EYA2: variants seen among roughly 807,000 people sequenced by gnomAD.
EYA2 encodes protein phosphatase EYA2.
Under a neutral mutation model 69.2 loss-of-function variants are expected in EYA2, and 31 were observed. The observed-to-expected ratio is 0.45, with a 90% CI of 0.34 to 0.60. The LOEUF (loss-of-function observed/expected upper bound fraction) is 0.60. EYA2 is among the 20% of genes least tolerant of loss of function. EYA2 has a pLI of 0.02. For synonymous variants in EYA2, 257 were observed against 279.4 expected, an observed-to-expected ratio of 0.92 and a Z score of 0.80; for missense variants, 622 against 701.2, an observed-to-expected ratio of 0.89 and a Z score of 1.28.
chr20:46,962,465 CAATT>C (rs1475666722), intron 1 of EYA2, among the ~76,000 whole-genome samples: 1 of 152,014 alleles, frequency 6.6e-6, no homozygotes, highest in African/African-American at 2.4e-5. Flanking sequence ...TATTATGTGT[CAATT>C]AAAAGTTTTT....
chr20:47,001,518 T>G (rs6094549), intron 3 of EYA2, 45 bp downstream of exon 3: 641,559 of 1,599,586 alleles, frequency 0.4, 137,666 homozygotes, highest in Non-Finnish European at 0.45. Context: ...CCACCTTTTC[T>G]TCTTTCTTGG....
At chr20:47,089,161 G>T (rs75831221) in intron 7 of EYA2, 78 bp from the exon 8 acceptor site, 5 of 1,541,152 alleles carry the variant, frequency 3.2e-6, no homozygotes, top group Non-Finnish European at 1.8e-6. Context: ...GGAGCTAGAC[G>T]GTGCTGTTGG....
At chr20:47,048,355 A>G (rs2030154817) in intron 5 of EYA2, among the ~76,000 whole-genome samples, 1 of 152,176 alleles carries the variant, frequency 6.6e-6, no homozygotes, top group African/African-American at 2.4e-5. Flanking sequence ...ACTGGGCCTG[A>G]TTTGCCAGAA....
intron 9 of EYA2, among the ~76,000 whole-genome samples, chr20:47,124,097 A>G (rs1001901609): frequency 3.3e-5 from 5 of 152,136 alleles, no homozygotes; most frequent in Middle Eastern, 3.4e-3. Context: ...AGAGTCCTTT[A>G]TTTGGGCAGA....
In EYA2 at chr20:47,004,924, T is replaced by A. The variant is rs777884805; in HGVS notation, c.156-18T>A. 4 of 1,614,046 alleles carry A rather than the reference T, an allele frequency of 2.5e-6. No homozygotes were observed. On this transcript the variant is annotated intron_variant, in intron 3 of 15. Transcript: ENST00000327619. ...CCAGACTGGGCCTGGAGATTTAATC[T>A]TCCCTCTTTCCACACAGATCTTGCC... is the stretch of plus-strand genomic sequence containing the variant.
At chr20:47,098,101 G>T (rs2032305754) in intron 9 of EYA2, among the ~76,000 whole-genome samples, 1 of 152,214 alleles carries the variant, frequency 6.6e-6, no homozygotes. Flanking sequence ...TGTGTAATTA[G>T]CAAGATAGAT....
rs184335439 is a variant in EYA2, at chr20:46,897,805, G to A, written c.-11+2818G>A. ...GTATCCACGCACATGATCGCAGAGC[G>A]GAGGAGTGGAAGTTGCGACTGGGGT... On this transcript the variant is annotated intron_variant, in intron 1 of 15. Transcript: ENST00000327619. 8.8e-4 allele frequency among the ~76,000 whole-genome samples: 134 copies of A among 152,296 alleles called. 1 individual carries two copies. Among genetic ancestry groups the A allele is most frequent in the Admixed American group, 6.3e-3 (97 of 15,300 alleles).
chr20:47,092,034 C>G (rs2032102033), intron 8 of EYA2, among the ~76,000 whole-genome samples: 1 of 152,168 alleles, frequency 6.6e-6, no homozygotes, highest in Non-Finnish European at 1.5e-5. Context: ...TTCAGAAGCC[C>G]TGAAGTTGGA....
chr20:47,095,305 G>T (rs762438511), intron 8 of EYA2, among the ~76,000 whole-genome samples: 2 of 151,842 alleles, frequency 1.3e-5, no homozygotes, highest in Non-Finnish European at 2.9e-5. Flanking sequence ...CAAAAAGACA[G>T]ATTTATTAAA....
intron 5 of EYA2, among the ~76,000 whole-genome samples, chr20:47,044,632 G>C (rs968039578): frequency 6.6e-6 from 1 of 152,134 alleles, no homozygotes; most frequent in Non-Finnish European, 1.5e-5. Flanking sequence ...TTTGTAGAAC[G>C]CTGTTCATTT....
At chr20:47,156,946 A>C (rs1467626858) in intron 10 of EYA2, among the ~76,000 whole-genome samples, 1 of 151,974 alleles carries the variant, frequency 6.6e-6, no homozygotes, top group Non-Finnish European at 1.5e-5. Context: ...AAAGTAATGG[A>C]ATCAAACCAC....
chr20:47,170,646 C>CAA lies in EYA2; in HGVS notation c.1037+1464_1037+1465dup, dbSNP rs56782816. ...TGGGGTACAGAGCGAGACTCCGTCTCAAAAAAAAAAAAAAAAGAGAGACAG... is the reference window on the plus strand; with the variant it reads ...TGGGGTACAGAGCGAGACTCCGTCTCAAAAAAAAAAAAAAAAAAGAGAGACAG... On this transcript the variant is annotated intron_variant, in intron 11 of 15. Transcript: ENST00000327619. Among the ~76,000 whole-genome samples the CAA allele has an allele frequency of 2.5e-4, 21 of 84,530 alleles. No individual in the cohort carries two copies. In the East Asian group the frequency reaches 3.2e-3, roughly 13 times the overall value. 55.5% of individuals were successfully genotyped at this position (84,530 alleles called of 152,430 possible).
chr20:47,001,779 T>C (rs111654790), intron 3 of EYA2, among the ~76,000 whole-genome samples: 1,565 of 111,718 alleles, frequency 0.014, 26 homozygotes, highest in African/African-American at 0.044. Context: ...TTCTTTCTTC[T>C]CTTCATTCTT....
chr20:47,059,298 G>C (rs1197554522), intron 5 of EYA2, among the ~76,000 whole-genome samples: 1 of 152,132 alleles, frequency 6.6e-6, no homozygotes, highest in East Asian at 1.9e-4. Context: ...CTACAGGCTC[G>C]AGGGGCCAGA....
chr20:47,071,463 A>G (rs987123531), intron 5 of EYA2, among the ~76,000 whole-genome samples: 2 of 151,936 alleles, frequency 1.3e-5, no homozygotes, highest in African/African-American at 4.8e-5. Context: ...ACTTTGGAAA[A>G]CAGTTTGGCC....
intron 9 of EYA2, chr20:47,117,583 A>C: frequency 1.0e-6 from 1 of 985,436 alleles, no homozygotes; most frequent in Non-Finnish European, 1.2e-6. Context: ...GGATTCAATC[A>C]GATCCAGTTG....
intron 1 of EYA2, among the ~76,000 whole-genome samples, chr20:46,945,182 G>C (rs3092807): frequency 1.3e-5 from 2 of 151,920 alleles, no homozygotes; most frequent in African/African-American, 4.8e-5. Context: ...CCTTAGCCTC[G>C]CTGGACCTCA....
intron 5 of EYA2, among the ~76,000 whole-genome samples, chr20:47,018,617 G>A (rs1050673836): frequency 2.6e-5 from 4 of 152,312 alleles, no homozygotes; most frequent in African/African-American, 4.8e-5. Context: ...TACAGGCAGC[G>A]GGAACGCAAG....
intron 5 of EYA2, among the ~76,000 whole-genome samples, chr20:47,060,240 C>A (rs1445123928): frequency 6.6e-6 from 1 of 152,230 alleles, no homozygotes; most frequent in Non-Finnish European, 1.5e-5. Context: ...CAAGAACTCT[C>A]TACCCCAAGG....
Sources: allele counts gnomAD v4.1 joint callset (sites outside exome capture counted in the v4.1 genomes callset), GRCh38; gene constraint gnomAD v4.1.1; transcripts MANE v1.5; gene names NCBI Gene and HGNC (gene_info 2026-07-23, HGNC 2026-07-21).